GPHN: variants seen among roughly 807,000 people sequenced by gnomAD.
The protein encoded by GPHN is gephyrin.
Under a neutral mutation model 95.5 loss-of-function variants are expected in GPHN, and 17 were observed. The observed-to-expected ratio is 0.18, with a 90% CI of 0.12 to 0.27. The LOEUF (loss-of-function observed/expected upper bound fraction) is 0.27, where lower values mean the gene tolerates loss of function less well. GPHN is among the 10% of genes least tolerant of loss of function. The probability of loss-of-function intolerance (pLI) is 1.00; values close to 1 mark genes in which losing one functional copy is unlikely to be tolerated. For synonymous variants in GPHN, 320 were observed against 322.5 expected (o/e 0.99, Z 0.08); for missense variants, 660 against 978.1 (o/e 0.67, Z 4.34).
chr14:66,836,652 A>G (rs2061832159), intron 4 of GPHN, among the ~76,000 whole-genome samples: 2 of 143,756 alleles, frequency 1.4e-5, no homozygotes, highest in South Asian at 4.5e-4. Context: ...CAGAGTGAAC[A>G]GGCAACCTAC....
At chr14:66,644,731 T>A (rs547930288) in intron 1 of GPHN, among the ~76,000 whole-genome samples, 2 of 152,226 alleles carry the variant, frequency 1.3e-5, no homozygotes, top group South Asian at 4.1e-4. Flanking sequence ...AAATCCAGAT[T>A]ACCTAGTCTT....
the GPHN span, among the ~76,000 whole-genome samples, chr14:67,260,874 CAG>C: frequency 2.0e-5 from 3 of 151,962 alleles, no homozygotes; most frequent in Admixed American, 6.6e-5. Flanking sequence ...ATTCAGAAGA[CAG>C]GGGAGGGAGA....
At chr14:66,992,321 T>C (rs1012657768) in intron 9 of GPHN, among the ~76,000 whole-genome samples, 3 of 152,146 alleles carry the variant, frequency 2.0e-5, no homozygotes, top group Admixed American at 2.0e-4. Flanking sequence ...ATGACAATTA[T>C]CTATAAGTAC....
intron 2 of GPHN, among the ~76,000 whole-genome samples, chr14:66,750,324 C>T (rs1012876317): frequency 1.3e-5 from 2 of 151,690 alleles, no homozygotes; most frequent in Non-Finnish European, 3.0e-5. Context: ...TGAGTTCTTT[C>T]GGAAGACATT....
chr14:67,095,057 CAGAATATAT>C (rs2077297990), intron 12 of GPHN, among the ~76,000 whole-genome samples: 1 of 152,176 alleles, frequency 6.6e-6, no homozygotes, highest in African/African-American at 2.4e-5. Context: ...ATGCATTTCT[CAGAATATAT>C]CCCCATTGTT....
At chr14:66,734,470 C>A (rs1010931173) in intron 2 of GPHN, among the ~76,000 whole-genome samples, 1 of 152,146 alleles carries the variant, frequency 6.6e-6, no homozygotes, top group Non-Finnish European at 1.5e-5. Flanking sequence ...ATGTTAAAAT[C>A]AGATCACCTC....
chr14:67,411,283 G>A, the GPHN span, among the ~76,000 whole-genome samples: 4 of 152,146 alleles, frequency 2.6e-5, no homozygotes, highest in East Asian at 1.9e-4. Flanking sequence ...GCCACCTGGG[G>A]TGGTGGGGAA....
intron 2 of GPHN, among the ~76,000 whole-genome samples, chr14:66,686,168 A>C (rs2067346874): frequency 6.6e-6 from 1 of 152,172 alleles, no homozygotes; most frequent in African/African-American, 2.4e-5. Context: ...TATAGTTTGA[A>C]GTCAGGTAGC....
At chr14:66,570,429 C>A (rs2060640184) in intron 1 of GPHN, among the ~76,000 whole-genome samples, 1 of 151,878 alleles carries the variant, frequency 6.6e-6, no homozygotes, top group Admixed American at 6.6e-5. Context: ...TTCAGCCTCC[C>A]AGGTAGCTGG....
At chr14:66,959,385 A>G (rs578162531) in intron 8 of GPHN, among the ~76,000 whole-genome samples, 48 of 152,188 alleles carry the variant, frequency 3.2e-4, no homozygotes, top group African/African-American at 1.1e-3. Flanking sequence ...TGTCAGTCAC[A>G]ATTACTATCT....
the GPHN span, chr14:67,578,003 T>TC: frequency 1.2e-6 from 2 of 1,608,238 alleles, no homozygotes; most frequent in Non-Finnish European, 1.7e-6. This position sits in a 1 kb window ranked among gnomAD's most constrained non-coding sequence, Gnocchi z 5.0. Flanking sequence ...CTGCCTGTGC[T>TC]CACTGCTGTT....
At chr14:66,911,750 A>G (rs1704457394) in intron 5 of GPHN, among the ~76,000 whole-genome samples, 1 of 152,004 alleles carries the variant, frequency 6.6e-6, no homozygotes, top group South Asian at 2.1e-4. Context: ...TCTAGTGTAA[A>G]TCTAGATTAG....
At chr14:67,362,289 G>T in the GPHN span, among the ~76,000 whole-genome samples, 1 of 151,768 alleles carries the variant, frequency 6.6e-6, no homozygotes, top group Admixed American at 6.6e-5. Context: ...CAAAGTGCTG[G>T]GATTACAGGT....
At chr14:67,681,862 G>GCT in the GPHN span, among the ~76,000 whole-genome samples, 1 of 152,188 alleles carries the variant, frequency 6.6e-6, no homozygotes, top group Non-Finnish European at 1.5e-5. Flanking sequence ...CATAGGGGTT[G>GCT]CTATAGTTTG....
At chr14:67,307,221 G>A in the GPHN span, among the ~76,000 whole-genome samples, 2 of 152,014 alleles carry the variant, frequency 1.3e-5, no homozygotes, top group Non-Finnish European at 2.9e-5. Context: ...TTATTCAAAC[G>A]TACAGTTTCC....
chr14:67,366,548 A>G, the GPHN span, among the ~76,000 whole-genome samples: 4 of 152,328 alleles, frequency 2.6e-5, no homozygotes, highest in East Asian at 7.7e-4. Context: ...CAAAATGGGG[A>G]CTGGTTAAAT....
chr14:67,067,782 G>A (rs1232339556), intron 11 of GPHN, among the ~76,000 whole-genome samples: 2 of 152,224 alleles, frequency 1.3e-5, no homozygotes, highest in African/African-American at 4.8e-5. Context: ...AGAATCTCCT[G>A]GTCTGCCAGT....
intron 11 of GPHN, among the ~76,000 whole-genome samples, chr14:67,080,096 G>C (rs1567302125): frequency 6.6e-6 from 1 of 152,086 alleles, no homozygotes; most frequent in East Asian, 1.9e-4. Flanking sequence ...TGGGTTTTTT[G>C]ATGGTAGCTA....
At chr14:67,701,176 C>T in the GPHN span, among the ~76,000 whole-genome samples, 14,053 of 151,648 alleles carry the variant, frequency 0.093, 678 homozygotes, top group Middle Eastern at 0.19. Context: ...TCATGTGCAG[C>T]GAGGTATAGC....
Sources: gnomAD v4.1 joint callset for allele counts (sites outside exome capture counted in the v4.1 genomes callset) on GRCh38, gnomAD v4.1.1 for gene constraint, Gnocchi (gnomAD v3.1) non-coding constraint, MANE v1.5 for transcripts, NCBI Gene and HGNC (gene_info 2026-07-23, HGNC 2026-07-21) for gene names.